Variants in GLT8D2 observed in about 807,000 individuals in gnomAD.
The protein encoded by GLT8D2 is glycosyltransferase 8 domain-containing protein 2.
In GLT8D2, 45 loss-of-function variants were observed where a neutral mutation model predicts 44.5. That is an observed-to-expected ratio of 1.01 (90% CI 0.80 to 1.30). GLT8D2 has a LOEUF of 1.30. Ranked by LOEUF, GLT8D2 falls within the 50% of genes most tolerant of loss-of-function variation. GLT8D2 has a pLI of 0.00. For missense variants in GLT8D2, 400 were observed against 430.4 expected (o/e 0.93, Z 0.62); for synonymous variants, 156 against 157.2 (o/e 0.99, Z 0.06).
intron 4 of GLT8D2, among the ~76,000 whole-genome samples, chr12:104,005,883 G>A (rs1874933101): frequency 6.6e-6 from 1 of 152,172 alleles, no homozygotes; most frequent in Admixed American, 6.5e-5. Context: ...CCATTACTGG[G>A]TATATACCCA....
At chr12:104,057,835 C>T (rs1250723977) in intron 1 of GLT8D2, among the ~76,000 whole-genome samples, 2 of 151,988 alleles carry the variant, frequency 1.3e-5, no homozygotes, top group Non-Finnish European at 2.9e-5. Context: ...TTTTTCCCCC[C>T]TTGCTAGGTC....
rs1882317882 is a variant in GLT8D2 at position 104,057,930 on chromosome 12, G to GATATCCCA, written c.-423+6018_-423+6019insTGGGATAT. 2.0e-5 allele frequency among the ~76,000 whole-genome samples: 3 copies of GATATCCCA among 152,156 alleles called. No individual in the cohort carries two copies. In the South Asian group the frequency reaches 6.2e-4, roughly 31 times the overall value. ...ATAATCAGTGCCCCTCATCCTTAAT[G>GATATCCCA]GGGGATATCCCAGTAGTTTGGGAAG... On this transcript the variant is annotated intron_variant, in intron 1 of 10. Coordinates refer to the GLT8D2 transcript ENST00000548660.
At chr12:104,060,882 C>A (rs1177765340) in intron 1 of GLT8D2, among the ~76,000 whole-genome samples, 1 of 151,760 alleles carries the variant, frequency 6.6e-6, no homozygotes, top group Non-Finnish European at 1.5e-5. Context: ...GAGATCGCAC[C>A]ATTGCACTCC....
At position 104,003,213 on chromosome 12, in the gene GLT8D2, A is replaced by ATGGCAGCCATAG. The variant is rs753479987; in HGVS notation, c.194_205dup (p.Thr65_Ala68dup). ...GTCAGTGTTGCTGTAGATGCTATTG[A>ATGGCAGCCATAG]TGGCAGCCATAGTGGCACCCATCCT... On this transcript the variant is annotated inframe_insertion, in exon 5 of 11. Coordinates refer to ENST00000360814, the MANE Select transcript of GLT8D2 (RefSeq NM_001384711.1). 1.9e-6 allele frequency: 3 copies of ATGGCAGCCATAG among 1,614,074 alleles called. No homozygotes were observed. The South Asian group carries it at 3.3e-5, about 18-fold the overall frequency.
In GLT8D2 at chr12:104,003,304, C is replaced by T; in HGVS notation, c.115G>A (p.Asp39Asn). 1 of 1,613,846 alleles carries T rather than the reference C, an allele frequency of 6.2e-7. No individual in the cohort carries two copies. Among genetic ancestry groups the T allele is most frequent in the African/African-American group, 1.3e-5 (1 of 75,012 alleles). Residue 39 changes from aspartate (D) to asparagine (N), a missense_variant and splice_region_variant, in exon 5 of 11, where the codon GAT (aspartate) becomes AAT (asparagine). Asp to Asn is a conservative substitution (Grantham distance 23). Coordinates refer to ENST00000360814, the MANE Select transcript of GLT8D2 (RefSeq NM_001384711.1). ...AGTTCTTCAGGAGTCTCGGATTCAT[C>T]ATCTGGAAACATAAAAACTGGTGTC... ...KGTVPKNDAD[D>N]ESETPEELEE...
At chr12:103,992,694 G>A (rs961775322) in intron 10 of GLT8D2, among the ~76,000 whole-genome samples, 1 of 151,978 alleles carries the variant, frequency 6.6e-6, no homozygotes, top group Non-Finnish European at 1.5e-5. Flanking sequence ...GTTTCACCAC[G>A]TTGGTCAGGT....
chr12:104,030,539 G>A (rs1593558306), intron 1 of GLT8D2, among the ~76,000 whole-genome samples: 1 of 151,810 alleles, frequency 6.6e-6, no homozygotes, highest in African/African-American at 2.4e-5. Flanking sequence ...CAAACAAGTG[G>A]GACTACATCA....
At chr12:104,014,099 C>T (rs1030515940) in intron 4 of GLT8D2, 2 of 519,788 alleles carry the variant, frequency 3.8e-6, no homozygotes, top group Non-Finnish European at 6.8e-6. Context: ...GCATGGAGCT[C>T]ATGCCTGTAA....
chr12:103,991,814 T>TA (rs1872768045), intron 10 of GLT8D2, among the ~76,000 whole-genome samples: 1 of 118,814 alleles, frequency 8.4e-6, no homozygotes, highest in Non-Finnish European at 1.7e-5. Flanking sequence ...CCTCCACAAT[T>TA]ACGTCCTTTA....
intron 1 of GLT8D2, among the ~76,000 whole-genome samples, chr12:104,038,749 C>A (rs1397138559): frequency 1.3e-5 from 2 of 152,070 alleles, no homozygotes; most frequent in African/African-American, 4.8e-5. Context: ...CAATGCCATC[C>A]CCATCAAGCT....
At chr12:103,990,756 TTATC>T (rs1872655394) in intron 10 of GLT8D2, among the ~76,000 whole-genome samples, 1 of 152,146 alleles carries the variant, frequency 6.6e-6, no homozygotes, top group Non-Finnish European at 1.5e-5. Context: ...ACTGGAATAA[TTATC>T]AATCATCAGA....
intron 3 of GLT8D2, among the ~76,000 whole-genome samples, chr12:104,017,750 G>C (rs1877080265): frequency 6.6e-6 from 1 of 152,100 alleles, no homozygotes; most frequent in South Asian, 2.1e-4. Context: ...AAGGGAAGAG[G>C]GTGTGAATTT....
rs149907965 is a variant in GLT8D2, at chr12:104,063,254, T to A, written c.-423+695A>T. 7.2e-5 allele frequency among the ~76,000 whole-genome samples: 11 copies of A among 152,272 alleles called. No individual in the cohort carries two copies. In the South Asian group the frequency reaches 2.1e-3, roughly 29 times the overall value. ...CATCTCATATAGTTACCACCAACCCTTTTTGTGTCTCTGTGGCAAGAGTGG... is the reference window on the plus strand; with the variant it reads ...CATCTCATATAGTTACCACCAACCCATTTTGTGTCTCTGTGGCAAGAGTGG... On this transcript the variant is annotated intron_variant, in intron 1 of 10. Coordinates refer to the GLT8D2 transcript ENST00000548660.
rs1491355742 is a variant in GLT8D2 at position 104,045,918 on chromosome 12, A to AGAAAGAAAGAAG, written c.-164+3976_-164+3977insCTTCTTTCTTTC. The stretch of plus-strand genomic sequence containing the variant: ...AAGAAAGAAAGAAAGAAAGAAAGAA[A>AGAAAGAAAGAAG]GAAAGAAAGAAAGAAAGAAAAAGAA... On this transcript the variant is annotated intron_variant, in intron 1 of 10. Coordinates refer to ENST00000360814, the MANE Select transcript of GLT8D2 (RefSeq NM_001384711.1). Among the ~76,000 whole-genome samples the AGAAAGAAAGAAG allele has an allele frequency of 3.0e-3, 432 of 145,920 alleles. 8 individuals are homozygous for AGAAAGAAAGAAG. The highest frequency in any genetic ancestry group is 7.5e-3 in the African/African-American group (295 of 39,548).
At chr12:104,040,691 T>G (rs1880441980) in intron 1 of GLT8D2, among the ~76,000 whole-genome samples, 1 of 152,080 alleles carries the variant, frequency 6.6e-6, no homozygotes, top group Non-Finnish European at 1.5e-5. Context: ...CCCAAAGTGC[T>G]GGGATTACAG....
chr12:103,998,236 T>C (rs34346590), intron 6 of GLT8D2, among the ~76,000 whole-genome samples: 12,784 of 151,682 alleles, frequency 0.084, 829 homozygotes, highest in East Asian at 0.31. Flanking sequence ...CCACTCTTTT[T>C]TTTTTTTTTC....
chr12:104,025,893 G>GT (rs1283036696), intron 1 of GLT8D2, among the ~76,000 whole-genome samples: 2 of 152,182 alleles, frequency 1.3e-5, no homozygotes, highest in African/African-American at 2.4e-5. Context: ...ATCCACACAG[G>GT]TTTTTTATTA....
intron 4 of GLT8D2, among the ~76,000 whole-genome samples, chr12:104,004,583 A>T (rs1167513549): frequency 6.6e-6 from 1 of 152,246 alleles, no homozygotes; most frequent in Non-Finnish European, 1.5e-5. Flanking sequence ...TTATACACCA[A>T]TAACAGACAA....
rs771371879 is a variant in GLT8D2 at position 104,015,098 on chromosome 12, C to CTT, written c.26_27insAA (p.Val10ArgfsTer7). On this transcript the variant is annotated frameshift_variant, in exon 4 of 11. Transcript: ENST00000360814. LOFTEE classifies it high-confidence loss of function. Reference sequence around the variant, plus strand: ...TCACGATCAGAAGGAACAGCAGCACCTGATTAACTGAAATAGAAATGGAAA... The same window carrying CTT: ...TCACGATCAGAAGGAACAGCAGCACCTTTGATTAACTGAAATAGAAATGGAAA... The CTT allele has an allele frequency of 3.1e-6, 5 of 1,611,724 alleles. No individual in the cohort carries two copies. The South Asian group carries it at 5.5e-5, about 18-fold the overall frequency.
Sources: allele counts gnomAD v4.1 joint callset (sites outside exome capture counted in the v4.1 genomes callset), GRCh38; gene constraint gnomAD v4.1.1; transcripts MANE v1.5; gene names NCBI Gene and HGNC (gene_info 2026-07-23, HGNC 2026-07-21).